PODXL: variants seen among roughly 807,000 people sequenced by gnomAD.
PODXL encodes the protein podocalyxin like, also known as podocalyxin.
Under a neutral mutation model 48.9 loss-of-function variants are expected in PODXL, and 20 were observed. That is an observed-to-expected ratio of 0.41 (90% CI 0.29 to 0.59). The LOEUF is 0.59. Among genes scored for constraint, PODXL ranks in the 20% least tolerant of loss-of-function variants. The pLI, the probability that PODXL is intolerant of heterozygous loss-of-function variation, is 0.31. For synonymous variants in PODXL, 295 were observed against 287.4 expected, an observed-to-expected ratio of 1.03 and a Z score of -0.27; for missense variants, 606 against 675.1, an observed-to-expected ratio of 0.90 and a Z score of 1.13.
At chr7:131,506,062 C>A in intron 7 of PODXL, 27 bp from the exon 8 acceptor site, 1 of 1,599,554 alleles carries the variant, frequency 6.3e-7, no homozygotes, top group Non-Finnish European at 8.5e-7. Context: ...AGAGAACAGG[C>A]TGGGGGCATC....
chr7:131,505,296 G>A (rs1797779306), intron 8 of PODXL, among the ~76,000 whole-genome samples: 1 of 152,194 alleles, frequency 6.6e-6, no homozygotes, highest in Non-Finnish European at 1.5e-5. Flanking sequence ...GGAACCTGAT[G>A]CCCAAAGAGC....
In PODXL at chr7:131,541,871, G is replaced by A. The variant is rs75318639; in HGVS notation, c.100+14389C>T. The stretch of plus-strand genomic sequence containing the variant: ...GGAAGCCCGGTTTCCTATGGGCACC[G>A]CCTAGGGAAGTGAATCAAGAATCTC... On this transcript the variant is annotated intron_variant, in intron 1 of 8. Transcript: ENST00000378555. Among the ~76,000 whole-genome samples, 69 of 152,228 alleles carry A rather than the reference G, an allele frequency of 4.5e-4. 2 individuals carry two copies. In the East Asian group the frequency reaches 0.012, roughly 26 times the overall value.
chr7:131,508,889 T>G (rs1797857131), intron 5 of PODXL, 62 bp downstream of exon 5: 1 of 1,142,244 alleles, frequency 8.8e-7, no homozygotes, highest in Non-Finnish European at 1.3e-6. Flanking sequence ...ATACATTCCC[T>G]CTCCCTCCCT....
At chr7:131,538,245 C>T (rs764782457) in intron 1 of PODXL, among the ~76,000 whole-genome samples, 1 of 152,160 alleles carries the variant, frequency 6.6e-6, no homozygotes, top group Non-Finnish European at 1.5e-5. Flanking sequence ...TGCCCCACTC[C>T]GTTGTGTGTC....
intron 1 of PODXL, among the ~76,000 whole-genome samples, chr7:131,519,174 G>A (rs1413764647): frequency 6.6e-6 from 1 of 152,122 alleles, no homozygotes; most frequent in Non-Finnish European, 1.5e-5. Context: ...TTCTTTCTAC[G>A]CCACCCTTCA....
chr7:131,528,454 C>G (rs928857524), intron 1 of PODXL, among the ~76,000 whole-genome samples: 7 of 152,210 alleles, frequency 4.6e-5, no homozygotes, highest in African/African-American at 1.4e-4. Context: ...CAGAATCACA[C>G]AGAGGTTGTG....
intron 1 of PODXL, among the ~76,000 whole-genome samples, chr7:131,532,460 A>AAATAAT (rs202171448): frequency 6.7e-6 from 1 of 149,752 alleles, no homozygotes; most frequent in East Asian, 2.0e-4. Flanking sequence ...AATTAAAAAT[A>AAATAAT]AATAATAATA....
chr7:131,556,265 T>A lies in PODXL; in HGVS notation c.95A>T (p.Gln32Leu). ...AACCCAGGCCGGCCACTCACCATTC[T>A]GGGAGGGCGACGGCGACGGCGACGG... ...SSPSPSPSPS[Q>L]NATQTTTDSS... Residue 32 changes from glutamine to leucine, a missense_variant, in exon 1 of 9, where the codon CAG becomes CTG. Gln to Leu is a moderately radical substitution (Grantham distance 113). Coordinates refer to ENST00000378555, the MANE Select transcript of PODXL (RefSeq NM_001018111.3). 1 of 1,422,384 alleles carries A rather than the reference T, an allele frequency of 7.0e-7. No homozygotes were observed. The allele number at this position is 1,422,384 out of a possible 1,614,324, so 88.1% of individuals were successfully genotyped here. A position where few individuals can be genotyped will look rare whatever the true frequency, so the allele number is the denominator to read the frequency against.
intron 1 of PODXL, among the ~76,000 whole-genome samples, chr7:131,524,245 A>G (rs1221280063): frequency 6.6e-6 from 1 of 152,120 alleles, no homozygotes; most frequent in Non-Finnish European, 1.5e-5. Context: ...TAATGGGAAG[A>G]GATTGAATGC....
chr7:131,553,720 T>C (rs916728946), intron 1 of PODXL, among the ~76,000 whole-genome samples: 1 of 152,188 alleles, frequency 6.6e-6, no homozygotes, highest in African/African-American at 2.4e-5. Context: ...AATTCATCCA[T>C]TGAACATCAG....
In PODXL at chr7:131,504,254, C is replaced by G. The variant is rs1234293940; in HGVS notation, c.*57G>C. On this transcript the variant is annotated 3_prime_UTR_variant, in exon 9 of 9. Transcript: ENST00000378555. ...CTTTCCCTTCCCCATCCAAACGGCA[C>G]TTGGGGTGGTTGGTCTGGAGCTCTG... 4.1e-6 allele frequency: 6 copies of G among 1,466,788 alleles called. No homozygotes were observed. The highest frequency in any genetic ancestry group is 2.8e-6 in the Non-Finnish European group (3 of 1,052,638). 90.9% of individuals were successfully genotyped at this position (1,466,788 alleles called of 1,614,324 possible).
At chr7:131,516,498 C>G (rs1002655535) in intron 1 of PODXL, among the ~76,000 whole-genome samples, 1 of 151,754 alleles carries the variant, frequency 6.6e-6, no homozygotes, top group Non-Finnish European at 1.5e-5. Flanking sequence ...ACCTGGGAGA[C>G]AGAGAGATAC....
chr7:131,511,288 G>C lies in PODXL; in HGVS notation c.246C>G (p.Thr82=), dbSNP rs373531884. 5.6e-6 allele frequency: 9 copies of C among 1,614,118 alleles called. No individual in the cohort carries two copies. Among genetic ancestry groups the C allele is most frequent in the African/African-American group, 2.7e-5 (2 of 75,046 alleles). Residue 82 remains threonine, a synonymous_variant, in exon 2 of 9, where the codon ACC becomes ACG. Transcript: ENST00000378555. ...CCGGTGAGTCACTGGATACACCAAG[G>C]GTGGTCGCCTTGACCGAGGCCAAGA... ...NEILASVKAT[T]LGVSSDSPGT...
intron 2 of PODXL, 62 bp downstream of exon 2, chr7:131,510,764 CAG>C: frequency 1.9e-6 from 3 of 1,598,470 alleles, no homozygotes; most frequent in Non-Finnish European, 2.6e-6. Context: ...TGAGCCTTTT[CAG>C]AGCCATCACG....
intron 1 of PODXL, among the ~76,000 whole-genome samples, chr7:131,533,826 A>G (rs1798322612): frequency 6.6e-6 from 1 of 152,216 alleles, no homozygotes; most frequent in Non-Finnish European, 1.5e-5. Context: ...CCCGGCTTCC[A>G]GTCCACACAC....
At chr7:131,529,824 G>A (rs1798245811) in intron 1 of PODXL, among the ~76,000 whole-genome samples, 2 of 152,036 alleles carry the variant, frequency 1.3e-5, no homozygotes, top group Admixed American at 6.5e-5. Flanking sequence ...AAGGTCCCTC[G>A]GGGTGTGTAC....
intron 5 of PODXL, chr7:131,506,971 T>C (rs1015872422): frequency 3.7e-5 from 20 of 543,858 alleles, no homozygotes; most frequent in Non-Finnish European, 6.3e-5. Flanking sequence ...TGTGTTTATC[T>C]GGTCTACGCT....
intron 1 of PODXL, among the ~76,000 whole-genome samples, chr7:131,552,233 TA>T (rs1276985745): frequency 6.6e-6 from 1 of 152,200 alleles, no homozygotes; most frequent in African/African-American, 2.4e-5. Flanking sequence ...GAGGTGGTGA[TA>T]AGTATGTTGT....
intron 1 of PODXL, among the ~76,000 whole-genome samples, chr7:131,540,264 C>G (rs1410728456): frequency 6.6e-6 from 1 of 152,130 alleles, no homozygotes; most frequent in African/African-American, 2.4e-5. Context: ...CCAAACTAGC[C>G]TTGAACTCCT....
Sources: gnomAD v4.1 joint callset for allele counts (sites outside exome capture counted in the v4.1 genomes callset) on GRCh38, gnomAD v4.1.1 for gene constraint, MANE v1.5 for transcripts, NCBI Gene and HGNC (gene_info 2026-07-23, HGNC 2026-07-21) for gene names.